MKS1: variants seen among roughly 807,000 people sequenced by gnomAD.
MKS1 encodes the protein tectonic-like complex member MKS1.
A neutral mutation model predicts 83.7 loss-of-function variants in MKS1; 70 were observed. That is an observed-to-expected ratio of 0.84 (90% CI 0.69 to 1.02). The LOEUF is 1.02. Among genes scored for constraint, MKS1 ranks in the 50% least tolerant of loss-of-function variants. The pLI is 0.00. For missense variants in MKS1, 681 were observed against 726.9 expected (o/e 0.94, Z 0.73); for synonymous variants, 251 against 273.4 (o/e 0.92, Z 0.81).
chr17:58,207,964 G>GT lies in MKS1; in HGVS notation c.1202_1203insA (p.Leu402ProfsTer43). 1 of 1,614,142 alleles carries GT rather than the reference G, an allele frequency of 6.2e-7. No homozygotes were observed. The highest frequency in any genetic ancestry group is 1.1e-5 in the South Asian group (1 of 91,074). On this transcript the variant is annotated frameshift_variant, in exon 14 of 18. Transcript: ENST00000393119. LOFTEE classifies it high-confidence loss of function. ...ACCTCTGCCAGAAGTCCAGCGAGAG[G>GT]ACCTCACAGTAGAGCACAGGCCACT...
intron 15 of MKS1, 50 bp downstream of exon 15, chr17:58,207,035 G>A: frequency 6.2e-7 from 1 of 1,613,374 alleles, no homozygotes; most frequent in East Asian, 2.2e-5. Context: ...CCTACAGAAG[G>A]ACAGGACCAT....
At position 58,210,838 on chromosome 17, in the gene MKS1, C is replaced by T. The variant is rs555625044; in HGVS notation, c.959-114G>A. 66 of 1,440,828 alleles carry T rather than the reference C, an allele frequency of 4.6e-5. No homozygotes were observed. In the Middle Eastern group the frequency reaches 1.7e-3, roughly 38 times the overall value. 89.3% of individuals were successfully genotyped at this position (1,440,828 alleles called of 1,614,324 possible). A position where few individuals can be genotyped will look rare whatever the true frequency, so the allele number is the denominator to read the frequency against. ...AGCAAGTCTTTTGAGGGCCAGGAAC[C>T]CTCTGCGTTTCCAGGAAAGACTCAC... On this transcript the variant is annotated intron_variant, in intron 10 of 17. Coordinates refer to ENST00000393119, the MANE Select transcript of MKS1 (RefSeq NM_017777.4).
chr17:58,214,665 T>G (rs566769235), intron 5 of MKS1, 76 bp downstream of exon 5: 2 of 1,479,994 alleles, frequency 1.4e-6, no homozygotes, highest in East Asian at 5.0e-5. Flanking sequence ...ATATAACCAC[T>G]GATAAAAATG....
chr17:58,207,991 C>G lies in MKS1; in HGVS notation c.1176G>C (p.Pro392=), dbSNP rs775169308. Residue 392 remains proline, a synonymous_variant, in exon 14 of 18, where the codon CCG becomes CCC. Coordinates refer to ENST00000393119, the MANE Select transcript of MKS1 (RefSeq NM_017777.4). ...CCTCACAGTAGAGCACAGGCCACTC[C>G]GGGAGTGCATCTGGGAGCAAGGAGA... The part of the protein sequence containing the change: ...LHEDESSDAL[P]EWPVLYCEVL... 1 of 1,613,474 alleles carries G rather than the reference C, an allele frequency of 6.2e-7. No individual in the cohort carries two copies. The highest frequency in any genetic ancestry group is 1.3e-5 in the African/African-American group (1 of 74,834).
intron 17 of MKS1, 40 bp downstream of exon 17, chr17:58,206,243 C>G: frequency 6.2e-7 from 1 of 1,613,804 alleles, no homozygotes; most frequent in Non-Finnish European, 8.5e-7. Flanking sequence ...GAAACAGGCC[C>G]ATGCTGACCT....
At chr17:58,213,969 G>A in intron 6 of MKS1, 100 bp from the exon 7 acceptor site, 1 of 1,105,922 alleles carries the variant, frequency 9.0e-7, no homozygotes, top group Non-Finnish European at 1.4e-6. Flanking sequence ...AGGCTATAGG[G>A]AGAGCTGTCA....
At chr17:58,218,308 C>T (rs868635195) in intron 2 of MKS1, among the ~76,000 whole-genome samples, 5 of 151,506 alleles carry the variant, frequency 3.3e-5, no homozygotes, top group Admixed American at 1.3e-4. Flanking sequence ...ATTAGCCGGG[C>T]GTGGTGGCGG....
chr17:58,212,285 T>C (rs1436179505), intron 9 of MKS1, 93 bp downstream of exon 9: 2 of 1,408,572 alleles, frequency 1.4e-6, no homozygotes, highest in Admixed American at 3.3e-5. Context: ...GAGTATACCT[T>C]TGGGCCTTTA....
At chr17:58,218,495 G>A in intron 2 of MKS1, 125 bp downstream of exon 2, 1 of 380,174 alleles carries the variant, frequency 2.6e-6, no homozygotes, top group Non-Finnish European at 5.4e-6. Context: ...CAAATAGAAT[G>A]TAGGTTGCCG....
chr17:58,218,898 G>C (rs1428195309), intron 1 of MKS1, 169 bp from the exon 2 acceptor site: 1 of 825,126 alleles, frequency 1.2e-6, no homozygotes, highest in Non-Finnish European at 2.0e-6. Context: ...AGAATGAAGG[G>C]GAGAGGGTGT....
chr17:58,215,935 A>T, intron 4 of MKS1, 153 bp downstream of exon 4: 1 of 932,438 alleles, frequency 1.1e-6, no homozygotes, highest in Non-Finnish European at 1.7e-6. Context: ...ATTCTATTCC[A>T]GGCTGGCTGC....
intron 9 of MKS1, among the ~76,000 whole-genome samples, chr17:58,211,950 G>A (rs563753958): frequency 1.3e-5 from 2 of 152,180 alleles, no homozygotes; most frequent in East Asian, 3.9e-4. Flanking sequence ...ATATCCACAT[G>A]AAAGGTGAAG....
rs1231728656 is a variant in MKS1 at position 58,205,668 on chromosome 17, C to T, written c.*411G>A. 4.6e-6 allele frequency: 6 copies of T among 1,310,390 alleles called. No individual in the cohort carries two copies. Among genetic ancestry groups the T allele is most frequent in the Non-Finnish European group, 6.0e-6 (6 of 993,308 alleles). The allele number at this position is 1,310,390 out of a possible 1,614,324, so 81.2% of individuals were successfully genotyped here. ...GGGGATTTAAGACCCTCTCACCGTC[C>T]ACCTTCCTTCCTTCTTTGGTCTTGG... is the stretch of plus-strand genomic sequence containing the variant. On this transcript the variant is annotated 3_prime_UTR_variant, in exon 18 of 18. Transcript: ENST00000393119.
At chr17:58,217,715 G>A (rs1969302531) in intron 2 of MKS1, among the ~76,000 whole-genome samples, 1 of 152,142 alleles carries the variant, frequency 6.6e-6, no homozygotes, top group Non-Finnish European at 1.5e-5. Flanking sequence ...TGAGGCAGGA[G>A]GATGGCTTGA....
chr17:58,216,320 CA>C (rs2089299264), intron 3 of MKS1, 77 bp from the exon 4 acceptor site: 1 of 1,455,878 alleles, frequency 6.9e-7, no homozygotes. Flanking sequence ...ACTGTTTAAT[CA>C]AATCAGTTCT....
intron 5 of MKS1, 72 bp from the exon 6 acceptor site, chr17:58,214,459 G>A (rs1969074151): frequency 6.2e-7 from 1 of 1,608,464 alleles, no homozygotes; most frequent in Non-Finnish European, 8.5e-7. Flanking sequence ...AGCCACTTCA[G>A]AATGGGAAGT....
intron 4 of MKS1, 62 bp downstream of exon 4, chr17:58,216,026 G>C: frequency 6.3e-7 from 1 of 1,585,162 alleles, no homozygotes; most frequent in Non-Finnish European, 8.7e-7. Context: ...ACAGAACTCA[G>C]TGAGGCAAAA....
intron 4 of MKS1, 118 bp downstream of exon 4, chr17:58,215,969 TC>T: frequency 7.9e-7 from 1 of 1,258,256 alleles, no homozygotes; most frequent in East Asian, 2.3e-5. Flanking sequence ...TCACAGCAGT[TC>T]CTAGACAGGC....
At chr17:58,210,801 A>C (rs1968828623) in intron 10 of MKS1, 77 bp from the exon 11 acceptor site, 2 of 1,495,262 alleles carry the variant, frequency 1.3e-6, no homozygotes, top group South Asian at 2.3e-5. Context: ...TGAGGGGCCT[A>C]CACACCCTGA....
Sources: gnomAD v4.1 joint callset for allele counts (sites outside exome capture counted in the v4.1 genomes callset) on GRCh38, gnomAD v4.1.1 for gene constraint, MANE v1.5 for transcripts, NCBI Gene and HGNC (gene_info 2026-07-23, HGNC 2026-07-21) for gene names.